SIPA1L3: variants seen among roughly 807,000 people sequenced by gnomAD.
SIPA1L3 encodes signal induced proliferation associated 1 like 3, also known as signal-induced proliferation-associated 1-like protein 3.
A neutral mutation model predicts 150.1 loss-of-function variants in SIPA1L3; 59 were observed. The observed-to-expected ratio is 0.39, with a 90% CI of 0.32 to 0.49. SIPA1L3 has a LOEUF of 0.49. Among genes scored for constraint, SIPA1L3 ranks in the 20% least tolerant of loss-of-function variants. SIPA1L3 has a pLI of 0.86. For synonymous variants in SIPA1L3, 1,070 were observed against 1,077.6 expected (o/e 0.99, Z 0.14); for missense variants, 2,211 against 2,489.5 (o/e 0.89, Z 2.38).
chr19:38,202,127 TAC>T, intron 20 of SIPA1L3, 130 bp downstream of exon 20: 3 of 814,606 alleles, frequency 3.7e-6, no homozygotes, highest in Non-Finnish European at 5.6e-6. Context: ...ATATAGCAGC[TAC>T]TCCCCCCTCC....
At chr19:38,114,515 CAG>C (rs1166500061) in intron 8 of SIPA1L3, among the ~76,000 whole-genome samples, 1 of 151,938 alleles carries the variant, frequency 6.6e-6, no homozygotes, top group Non-Finnish European at 1.5e-5. Flanking sequence ...GAGAGAGGGA[CAG>C]GGGAGGTCAT....
intron 13 of SIPA1L3, among the ~76,000 whole-genome samples, chr19:38,156,563 G>A (rs1000852030): frequency 6.0e-5 from 9 of 150,054 alleles, no homozygotes; most frequent in South Asian, 2.1e-4. Context: ...AGTGGCTCAC[G>A]CCTGTAATCC....
At chr19:38,009,352 G>T (rs1183560586) in intron 1 of SIPA1L3, among the ~76,000 whole-genome samples, 3 of 152,142 alleles carry the variant, frequency 2.0e-5, no homozygotes, top group African/African-American at 7.2e-5. Flanking sequence ...AGAATAGGTA[G>T]AGAGAGAAGG....
intron 18 of SIPA1L3, among the ~76,000 whole-genome samples, chr19:38,197,639 A>C (rs933784496): frequency 6.6e-6 from 1 of 151,740 alleles, no homozygotes; most frequent in Non-Finnish European, 1.5e-5. Context: ...CACCTCCAGA[A>C]ACAGATTTCT....
intron 1 of SIPA1L3, among the ~76,000 whole-genome samples, chr19:38,021,003 G>A (rs1275800708): frequency 6.6e-6 from 1 of 152,060 alleles, no homozygotes; most frequent in Non-Finnish European, 1.5e-5. Context: ...GTTTCGCCAT[G>A]TTGGCCAGGC....
Position 37,927,727 on chromosome 19 carries a change from G to GGT in SIPA1L3, c.-379+20388_-379+20389dup, listed in dbSNP as rs59246699. 9.9e-3 allele frequency among the ~76,000 whole-genome samples: 1,384 copies of GGT among 139,562 alleles called. 21 individuals carry two copies. Among genetic ancestry groups the GGT allele is most frequent in the African/African-American group, 0.033 (1,257 of 37,782 alleles). 91.6% of individuals were successfully genotyped at this position (139,562 alleles called of 152,430 possible). Reference sequence around the variant, plus strand: ...TTAGCTCTCACTTGTAAGAACATGGGGTGTGTGTGTGTGTGTGTGTACGTG... The same window carrying GGT: ...TTAGCTCTCACTTGTAAGAACATGGGGTGTGTGTGTGTGTGTGTGTGTACGTG... On this transcript the variant is annotated intron_variant, in intron 1 of 21. Coordinates refer to ENST00000222345, the MANE Select transcript of SIPA1L3 (RefSeq NM_015073.3).
chr19:38,167,764 T>C (rs1412033844), intron 15 of SIPA1L3, among the ~76,000 whole-genome samples: 7 of 152,124 alleles, frequency 4.6e-5, no homozygotes, highest in South Asian at 4.1e-4. Flanking sequence ...GGGGTCTCAC[T>C]GTGTTGCCAA....
chr19:38,119,070 C>A (rs1167280573), intron 8 of SIPA1L3, among the ~76,000 whole-genome samples: 1 of 152,074 alleles, frequency 6.6e-6, no homozygotes, highest in East Asian at 1.9e-4. Flanking sequence ...GTGGTATAAG[C>A]CTGTAGTCCC....
intron 3 of SIPA1L3, 92 bp downstream of exon 3, chr19:38,083,191 T>G: frequency 2.4e-6 from 3 of 1,269,624 alleles, no homozygotes; most frequent in Non-Finnish European, 3.3e-6. Flanking sequence ...TGCCAGGCCC[T>G]GCTCTGGCAC....
At chr19:38,019,124 C>G (rs767877034) in intron 1 of SIPA1L3, among the ~76,000 whole-genome samples, 2 of 152,160 alleles carry the variant, frequency 1.3e-5, no homozygotes, top group Non-Finnish European at 2.9e-5. Flanking sequence ...GCAAGACTAC[C>G]GGCTCATTTG....
chr19:38,119,893 G>A lies in SIPA1L3; in HGVS notation c.2868+11G>A, dbSNP rs373773586. 5.7e-6 allele frequency: 9 copies of A among 1,583,912 alleles called. No individual in the cohort carries two copies. In the East Asian group the frequency reaches 6.7e-5, roughly 12 times the overall value. Reference sequence around the variant, plus strand: ...GTGCAGAGACTGAAGGTAAGGGAGAGAGCCCGGCGATAGGGCGGCGATTTG... The same window carrying A: ...GTGCAGAGACTGAAGGTAAGGGAGAAAGCCCGGCGATAGGGCGGCGATTTG... On this transcript the variant is annotated intron_variant, in intron 9 of 21. Transcript: ENST00000222345.
At chr19:38,079,795 A>G (rs1296018389) in intron 2 of SIPA1L3, among the ~76,000 whole-genome samples, 1 of 152,014 alleles carries the variant, frequency 6.6e-6, no homozygotes, top group East Asian at 2.0e-4. Flanking sequence ...GGCTCAAGTG[A>G]TCCACCCGCC....
At chr19:38,121,478 C>T (rs1311753377) in intron 9 of SIPA1L3, among the ~76,000 whole-genome samples, 4 of 150,288 alleles carry the variant, frequency 2.7e-5, no homozygotes, top group East Asian at 2.0e-4. Context: ...TGGTGGCTCA[C>T]GCCTGTAATC....
intron 15 of SIPA1L3, among the ~76,000 whole-genome samples, chr19:38,175,010 A>T (rs1972407254): frequency 6.6e-6 from 1 of 152,096 alleles, no homozygotes; most frequent in Non-Finnish European, 1.5e-5. Context: ...TGTCACTGGG[A>T]GTACAGAATG....
chr19:38,110,973 G>C (rs1291583318), intron 8 of SIPA1L3, among the ~76,000 whole-genome samples: 1 of 151,882 alleles, frequency 6.6e-6, no homozygotes, highest in Non-Finnish European at 1.5e-5. Flanking sequence ...CCTACCTGTG[G>C]AGGTAGGCCC....
intron 2 of SIPA1L3, among the ~76,000 whole-genome samples, chr19:38,036,567 G>A (rs573534494): frequency 3.3e-5 from 5 of 152,316 alleles, no homozygotes; most frequent in South Asian, 4.1e-4. Flanking sequence ...ACTGAGTTCC[G>A]TGCTGGGTGG....
chr19:38,181,761 G>C (rs369674928), intron 15 of SIPA1L3, among the ~76,000 whole-genome samples: 4 of 150,662 alleles, frequency 2.7e-5, no homozygotes, highest in Non-Finnish European at 5.9e-5. Flanking sequence ...CAGGAGAATC[G>C]CTTGAACCCG....
chr19:38,087,967 G>A (rs531163390), intron 3 of SIPA1L3, among the ~76,000 whole-genome samples: 271 of 152,262 alleles, frequency 1.8e-3, no homozygotes, highest in Admixed American at 5.3e-3. Flanking sequence ...GCAGTGAGCC[G>A]AGATCGCGCC....
Position 38,167,009 on chromosome 19 carries a change from C to T in SIPA1L3, c.4208+2103C>T, listed in dbSNP as rs79450019. Among the ~76,000 whole-genome samples the T allele has an allele frequency of 3.3e-5, 5 of 151,834 alleles. No individual in the cohort carries two copies. The South Asian group carries it at 1.0e-3, about 32-fold the overall frequency. On this transcript the variant is annotated intron_variant, in intron 15 of 21. Coordinates refer to ENST00000222345, the MANE Select transcript of SIPA1L3 (RefSeq NM_015073.3). ...CAGCACTTTGGGAGGCCAAGGCAAG[C>T]GGATCACAAGGTCAAGAGCTCGAGA...
Sources: gnomAD v4.1 joint callset for allele counts (sites outside exome capture counted in the v4.1 genomes callset) on GRCh38, gnomAD v4.1.1 for gene constraint, MANE v1.5 for transcripts, NCBI Gene and HGNC (gene_info 2026-07-23, HGNC 2026-07-21) for gene names.